AACS: variants seen among roughly 807,000 people sequenced by gnomAD.
The protein encoded by AACS is acetoacetate-CoA ligase.
AACS carries 69 observed loss-of-function variants against 83.1 expected under a neutral mutation model. The observed-to-expected ratio is 0.83, with a 90% CI of 0.68 to 1.01. AACS has a LOEUF of 1.01. Ranked by LOEUF, AACS falls within the 50% of genes least tolerant of loss-of-function variation. The pLI, the probability that AACS is intolerant of heterozygous loss-of-function variation, is 0.00. For missense variants in AACS, 866 were observed against 882.2 expected (o/e 0.98, Z 0.23); for synonymous variants, 333 against 343.4 (o/e 0.97, Z 0.33).
At chr12:125,077,583 T>C (rs1393587537) in intron 3 of AACS, among the ~76,000 whole-genome samples, 3 of 152,064 alleles carry the variant, frequency 2.0e-5, no homozygotes, top group Non-Finnish European at 4.4e-5. Flanking sequence ...CATCTTGTAA[T>C]GTAAGACTCA....
intron 1 of AACS, among the ~76,000 whole-genome samples, chr12:125,069,402 T>C (rs1029567319): frequency 6.6e-6 from 1 of 152,188 alleles, no homozygotes; most frequent in Non-Finnish European, 1.5e-5. Context: ...TTTCTATCCC[T>C]GCATTTTGGG....
intron 9 of AACS, chr12:125,118,369 C>G (rs551308383): frequency 2.4e-6 from 1 of 415,168 alleles, no homozygotes; most frequent in Non-Finnish European, 4.5e-6. Flanking sequence ...TTGCTTGTGT[C>G]GATAACACCT....
chr12:125,082,604 CA>C (rs1956220440), intron 3 of AACS, among the ~76,000 whole-genome samples: 1 of 152,126 alleles, frequency 6.6e-6, no homozygotes, highest in East Asian at 1.9e-4. Flanking sequence ...GGGTGGATCA[CA>C]AGGTCAGGAG....
At chr12:125,125,242 TAC>T (rs1438614230) in intron 12 of AACS, among the ~76,000 whole-genome samples, 1 of 152,214 alleles carries the variant, frequency 6.6e-6, no homozygotes, top group African/African-American at 2.4e-5. Context: ...TAGATTTATG[TAC>T]ACACACACAC....
At chr12:125,126,870 ACC>A (rs1957252730) in intron 12 of AACS, 1 of 152,108 alleles carries the variant, frequency 6.6e-6, no homozygotes. Flanking sequence ...GGCATGAGCC[ACC>A]GTGCCTGGCC....
chr12:125,099,216 T>C (rs578038279), intron 5 of AACS, among the ~76,000 whole-genome samples: 1 of 152,002 alleles, frequency 6.6e-6, no homozygotes. Flanking sequence ...GTCTGTAATC[T>C]CTCTCTCTTT....
intron 3 of AACS, among the ~76,000 whole-genome samples, chr12:125,084,578 ATTTTTTT>A (rs35996407): frequency 2.1e-5 from 3 of 140,162 alleles, no homozygotes; most frequent in African/African-American, 7.9e-5. Flanking sequence ...TAGTTTTTAA[ATTTTTTT>A]TTTTTTTTTC....
chr12:125,124,818 A>G (rs1279455726), intron 11 of AACS, 49 bp downstream of exon 11: 1 of 1,614,134 alleles, frequency 6.2e-7, no homozygotes, highest in East Asian at 2.2e-5. Context: ...AATCAAGGAA[A>G]TTAAATCCAT....
rs201921455 is a variant in AACS, at chr12:125,091,534, G to T, written c.570+11G>T. ...GACTTCGGTGTGAATGTGAGTCAGG[G>T]TCTGTGACAGAGGGGGCACCCCTTG... On this transcript the variant is annotated intron_variant, in intron 5 of 17. Coordinates refer to ENST00000316519, the MANE Select transcript of AACS (RefSeq NM_023928.5). 3.1e-6 allele frequency: 5 copies of T among 1,613,864 alleles called. No homozygotes were observed. Among genetic ancestry groups the T allele is most frequent in the Admixed American group, 3.3e-5 (2 of 60,000 alleles).
chr12:125,086,972 C>A (rs528759720), intron 4 of AACS, among the ~76,000 whole-genome samples: 2 of 151,954 alleles, frequency 1.3e-5, no homozygotes, highest in Non-Finnish European at 2.9e-5. Flanking sequence ...CTGCTGAAGG[C>A]AGCAAGCAGG....
intron 3 of AACS, among the ~76,000 whole-genome samples, chr12:125,085,877 G>A (rs777296239): frequency 7.2e-5 from 11 of 152,190 alleles, no homozygotes; most frequent in Non-Finnish European, 1.5e-4. Flanking sequence ...GGTCAGTGGT[G>A]TGATCATGGC....
chr12:125,091,612 G>T, intron 5 of AACS, 89 bp downstream of exon 5: 2 of 1,351,778 alleles, frequency 1.5e-6, no homozygotes, highest in Non-Finnish European at 2.1e-6. Context: ...CAGGGGAGCC[G>T]GACAGCAGCG....
At chr12:125,121,384 T>C (rs1957150418) in intron 10 of AACS, 1 of 152,272 alleles carries the variant, frequency 6.6e-6, no homozygotes, top group African/African-American at 2.4e-5. Context: ...AACCCTGTTT[T>C]GTGGCAAGAG....
chr12:125,142,091 G>T lies in AACS; in HGVS notation c.1882-1G>T. Reference sequence around the variant, plus strand: ...CCTGTTTTTCTACCTTTCCCTCGCAGTATACGCTCAACGGCAAGAAAGTGG... The same window carrying T: ...CCTGTTTTTCTACCTTTCCCTCGCATTATACGCTCAACGGCAAGAAAGTGG... On this transcript the variant is annotated splice_acceptor_variant, in intron 17 of 17. Transcript: ENST00000316519. LOFTEE classifies it high-confidence loss of function. The T allele has an allele frequency of 6.2e-7, 1 of 1,614,052 alleles. No homozygotes were observed. The highest frequency in any genetic ancestry group is 8.5e-7 in the Non-Finnish European group (1 of 1,180,024).
At chr12:125,088,525 G>A (rs1382047679) in intron 4 of AACS, among the ~76,000 whole-genome samples, 2 of 152,176 alleles carry the variant, frequency 1.3e-5, no homozygotes, top group African/African-American at 2.4e-5. Context: ...GAGCCACTGC[G>A]TCTAGTCACA....
Position 125,086,463 on chromosome 12 carries a change from G to C in AACS, c.472+20G>C. ...TTGTTGGTAAGTATTTTGGGTGCTG[G>C]TGATGGTTTGAGGGAGGAGACCAAG... On this transcript the variant is annotated intron_variant, in intron 4 of 17. Transcript: ENST00000316519. 6.2e-7 allele frequency: 1 copy of C among 1,612,526 alleles called. No individual in the cohort carries two copies. The highest frequency in any genetic ancestry group is 1.3e-5 in the African/African-American group (1 of 75,010).
intron 2 of AACS, among the ~76,000 whole-genome samples, chr12:125,074,968 T>G (rs534831304): frequency 6.8e-6 from 1 of 146,662 alleles, no homozygotes; most frequent in East Asian, 2.0e-4. Flanking sequence ...CTGGCCACAT[T>G]GTCATAGTTT....
chr12:125,067,842 G>A lies in AACS; in HGVS notation c.133+2125G>A, dbSNP rs184876779. 6.2e-4 allele frequency among the ~76,000 whole-genome samples: 94 copies of A among 152,242 alleles called. 1 individual carries two copies. The East Asian group carries it at 0.016, about 27-fold the overall frequency. ...AGCCACCGTGCTCGGCCGACTACCTGGGTTTTGAACTAGCTCTACCACTTA... is the reference window on the plus strand; with the variant it reads ...AGCCACCGTGCTCGGCCGACTACCTAGGTTTTGAACTAGCTCTACCACTTA... On this transcript the variant is annotated intron_variant, in intron 1 of 17. Coordinates refer to ENST00000316519, the MANE Select transcript of AACS (RefSeq NM_023928.5).
Position 125,130,411 on chromosome 12 carries a change from G to A in AACS, c.1549+951G>A, listed in dbSNP as rs766595793. 2.6e-5 allele frequency among the ~76,000 whole-genome samples: 4 copies of A among 152,264 alleles called. No homozygotes were observed. Among genetic ancestry groups the A allele is most frequent in the Non-Finnish European group, 5.9e-5 (4 of 68,046 alleles). On this transcript the variant is annotated intron_variant, in intron 14 of 17. Coordinates refer to ENST00000316519, the MANE Select transcript of AACS (RefSeq NM_023928.5). The surrounding 1 kb of genome is among the most constrained non-coding windows in gnomAD (Gnocchi z 4.9). ...TGTGCAGACAGACGAATGCAGAAAA[G>A]CAAGAGTGGATGTAGAGAAACACTC...
Sources: gnomAD v4.1 joint callset for allele counts (sites outside exome capture counted in the v4.1 genomes callset) on GRCh38, gnomAD v4.1.1 for gene constraint, Gnocchi (gnomAD v3.1) non-coding constraint, MANE v1.5 for transcripts, NCBI Gene and HGNC (gene_info 2026-07-23, HGNC 2026-07-21) for gene names.